UBE3A: variants seen among roughly 807,000 people sequenced by gnomAD.
UBE3A encodes ubiquitin-protein ligase E3A.
In UBE3A, 6 loss-of-function variants were observed where a neutral mutation model predicts 83.4. The ratio of observed to expected loss-of-function variants is 0.07; its 90% CI spans 0.04 to 0.14. UBE3A has a LOEUF of 0.14. UBE3A is among the 10% of genes least tolerant of loss of function. The pLI is 1.00. For missense variants in UBE3A, 456 were observed against 1,036.1 expected (o/e 0.44, Z 7.69); for synonymous variants, 337 against 355.4 (o/e 0.95, Z 0.58).
intron 11 of UBE3A, chr15:25,345,745 A>G (rs1032760398): frequency 2.0e-5 from 3 of 152,222 alleles, no homozygotes; most frequent in African/African-American, 7.2e-5. Context: ...AACTGAGCTA[A>G]AAAGAATTTA....
intron 7 of UBE3A, among the ~76,000 whole-genome samples, 180 bp from the exon 8 acceptor site, chr15:25,357,076 C>A (rs1337351690): frequency 6.6e-6 from 1 of 152,030 alleles, no homozygotes; most frequent in African/African-American, 2.4e-5. Flanking sequence ...CATATATCTG[C>A]TATAAATTGG....
chr15:25,367,208 AATATGTAAATATTTAC>A (rs1595751705), intron 6 of UBE3A, among the ~76,000 whole-genome samples: 1 of 94,608 alleles, frequency 1.1e-5, no homozygotes, highest in East Asian at 2.4e-4. Context: ...CATATTTGTA[AATATGTAAATATTTAC>A]ATATTTGTAA....
intron 3 of UBE3A, chr15:25,407,191 C>T: frequency 7.5e-7 from 1 of 1,334,696 alleles, no homozygotes; most frequent in Non-Finnish European, 9.9e-7. Context: ...GAAAGTGCGA[C>T]CCTCCAGCAT....
intron 4 of UBE3A, among the ~76,000 whole-genome samples, chr15:25,395,006 G>A (rs180770137): frequency 6.6e-6 from 1 of 152,140 alleles, no homozygotes; most frequent in African/African-American, 2.4e-5. Flanking sequence ...AGAAGAACAT[G>A]ATCATTCTTT....
intron 1 of UBE3A, chr15:25,418,307 A>G (rs1380900834): frequency 1.3e-5 from 2 of 152,148 alleles, no homozygotes; most frequent in African/African-American, 4.8e-5. Context: ...GAAAAAAGAA[A>G]CATATATGTC....
At position 25,427,683 on chromosome 15, in the gene UBE3A, T is replaced by C. The variant is rs1891766062; in HGVS notation, c.-165+10806A>G. Among the ~76,000 whole-genome samples the C allele has an allele frequency of 2.1e-5, 3 of 139,970 alleles. No homozygotes were observed. The Admixed American group carries it at 2.2e-4, about 10-fold the overall frequency. 91.8% of individuals were successfully genotyped at this position (139,970 alleles called of 152,430 possible). ...GTGCCTGCCTGCAGTCCCAGCTACT[T>C]GGGAGGCTGAGGCAAGACTATCGCT... is the stretch of plus-strand genomic sequence containing the variant. On this transcript the variant is annotated intron_variant, in intron 1 of 12. Transcript: ENST00000648336.
intron 11 of UBE3A, among the ~76,000 whole-genome samples, chr15:25,348,872 G>C (rs1490097152): frequency 6.6e-6 from 1 of 152,188 alleles, no homozygotes; most frequent in Non-Finnish European, 1.5e-5. Context: ...GTTAAAATGT[G>C]AATTCTCTCC....
intron 4 of UBE3A, among the ~76,000 whole-genome samples, chr15:25,396,109 G>A (rs993582865): frequency 6.6e-6 from 1 of 151,410 alleles, no homozygotes; most frequent in East Asian, 2.0e-4. Flanking sequence ...GGCTGAGGCA[G>A]GAGAATTGCT....
intron 1 of UBE3A, among the ~76,000 whole-genome samples, chr15:25,423,910 G>T (rs923043556): frequency 2.6e-5 from 4 of 152,038 alleles, no homozygotes; most frequent in African/African-American, 9.7e-5. Flanking sequence ...CATATATCAA[G>T]AATTCAACCA....
intron 1 of UBE3A, among the ~76,000 whole-genome samples, chr15:25,427,219 C>T (rs1251886786): frequency 1.3e-5 from 2 of 151,996 alleles, no homozygotes; most frequent in Non-Finnish European, 2.9e-5. Flanking sequence ...AAATAAATTA[C>T]CTAATCTCAG....
intron 6 of UBE3A, among the ~76,000 whole-genome samples, chr15:25,368,114 C>A (rs2079623302): frequency 1.3e-5 from 2 of 152,200 alleles, no homozygotes; most frequent in South Asian, 4.1e-4. Context: ...AGTTTGTTCA[C>A]TGTGATATAT....
At chr15:25,431,299 A>T (rs965729825) in intron 1 of UBE3A, among the ~76,000 whole-genome samples, 1 of 152,138 alleles carries the variant, frequency 6.6e-6, no homozygotes, top group East Asian at 1.9e-4. Flanking sequence ...AAAACTTTAC[A>T]CTTCTTAGAA....
chr15:25,434,991 C>T (rs56192245), intron 1 of UBE3A, among the ~76,000 whole-genome samples: 141 of 130,002 alleles, frequency 1.1e-3, no homozygotes, highest in East Asian at 2.3e-3. Flanking sequence ...CACACACACA[C>T]ACACACACAC....
chr15:25,410,536 T>A (rs1567118767), intron 2 of UBE3A, among the ~76,000 whole-genome samples: 1 of 152,160 alleles, frequency 6.6e-6, no homozygotes, highest in Non-Finnish European at 1.5e-5. Flanking sequence ...ATTAACATCC[T>A]CAAAGCAACA....
intron 12 of UBE3A, 96 bp downstream of exon 12, chr15:25,339,989 G>C (rs879573421): frequency 6.7e-7 from 1 of 1,486,092 alleles, no homozygotes; most frequent in Admixed American, 1.7e-5. Context: ...ATAAAATCAC[G>C]AATGTGCTCA....
At chr15:25,389,107 TG>T (rs2152945594) in intron 4 of UBE3A, among the ~76,000 whole-genome samples, 1 of 152,066 alleles carries the variant, frequency 6.6e-6, no homozygotes, top group African/African-American at 2.4e-5. Context: ...ACAAAAGAAC[TG>T]ACAAAACAGA....
intron 6 of UBE3A, among the ~76,000 whole-genome samples, chr15:25,368,878 AG>A: frequency 6.6e-6 from 1 of 152,316 alleles, no homozygotes; most frequent in South Asian, 2.1e-4. Flanking sequence ...AGCGAAAGAC[AG>A]ATAAGGAAGG....
At chr15:25,409,230 G>T in intron 2 of UBE3A, 23 bp from the exon 3 acceptor site, 1 of 862,430 alleles carries the variant, frequency 1.2e-6, no homozygotes, top group Non-Finnish European at 1.8e-6. Context: ...ACAAACCTTT[G>T]GTTAGAACAC....
At chr15:25,351,860 T>TTTGA (rs2076559065) in intron 11 of UBE3A, among the ~76,000 whole-genome samples, 1 of 152,236 alleles carries the variant, frequency 6.6e-6, no homozygotes, top group Non-Finnish European at 1.5e-5. Flanking sequence ...TGCACGTTTT[T>TTTGA]TTGATTGGTA....
Sources: allele counts gnomAD v4.1 joint callset (sites outside exome capture counted in the v4.1 genomes callset), GRCh38; gene constraint gnomAD v4.1.1; transcripts MANE v1.5; gene names NCBI Gene and HGNC (gene_info 2026-07-23, HGNC 2026-07-21).